AK8: variants seen among roughly 807,000 people sequenced by gnomAD.
The protein encoded by AK8 is ATP-AMP transphosphorylase 8.
Under a neutral mutation model 54.6 loss-of-function variants are expected in AK8, and 44 were observed. The observed-to-expected ratio is 0.81, with a 90% CI of 0.63 to 1.04. The LOEUF (loss-of-function observed/expected upper bound fraction) is 1.04. AK8 is among the 50% of genes least tolerant of loss of function. AK8 has a pLI of 0.00. For synonymous variants in AK8, 239 were observed against 245.6 expected (o/e 0.97, Z 0.25); for missense variants, 555 against 613.6 (o/e 0.90, Z 1.01).
At position 132,792,696 on chromosome 9, in the gene AK8, G is replaced by A. The variant is rs113322200; in HGVS notation, c.1059C>T (p.His353=). ...CCTGGTCGAGGTCCCGCGGGACGCC[G>A]TGTAGCACCCAGCCTTTCTGGATGC... ...QDCIQKGWVL[H]GVPRDLDQAH... is the part of the protein sequence containing the mutation. The change falls in exon 11 of 13, where the codon CAC becomes CAT. Residue 353 remains histidine, a synonymous_variant. Transcript: ENST00000298545. 128 of 1,556,790 alleles carry A rather than the reference G, an allele frequency of 8.2e-5. 1 individual carries two copies. The highest frequency in any genetic ancestry group is 7.6e-4 in the South Asian group (64 of 84,282).
chr9:132,827,909 TG>T, intron 7 of AK8, 103 bp downstream of exon 7: 1 of 1,164,198 alleles, frequency 8.6e-7, no homozygotes, highest in Non-Finnish European at 1.2e-6. Context: ...TGTCCCTCTG[TG>T]GGTGCCCAGA....
At chr9:132,861,232 GC>G (rs1843375816) in intron 4 of AK8, among the ~76,000 whole-genome samples, 1 of 152,228 alleles carries the variant, frequency 6.6e-6, no homozygotes, top group African/African-American at 2.4e-5. Context: ...ATTACAGTGT[GC>G]CCTTTGGGAA....
At chr9:132,727,666 CA>C (rs1461726067) in intron 11 of AK8, 132 bp from the exon 12 acceptor site, 2 of 800,700 alleles carry the variant, frequency 2.5e-6, no homozygotes, top group Non-Finnish European at 4.0e-6. Context: ...AGCCAGCAAG[CA>C]ATGTGCCTGC....
At chr9:132,744,616 T>G (rs1837551723) in intron 11 of AK8, among the ~76,000 whole-genome samples, 1 of 151,954 alleles carries the variant, frequency 6.6e-6, no homozygotes, top group Non-Finnish European at 1.5e-5. Context: ...TAAATCTGAT[T>G]AAATATTAAT....
chr9:132,843,813 G>C (rs1842632836), intron 5 of AK8, among the ~76,000 whole-genome samples: 1 of 152,132 alleles, frequency 6.6e-6, no homozygotes, highest in African/African-American at 2.4e-5. Context: ...CAGGAGTGAG[G>C]GGGGACTTTG....
intron 9 of AK8, 135 bp from the exon 10 acceptor site, chr9:132,814,862 T>C (rs1841250258): frequency 3.3e-6 from 2 of 609,840 alleles, no homozygotes; most frequent in Non-Finnish European, 5.6e-6. Flanking sequence ...GGTTTTTCTG[T>C]GTGTGGGTAT....
intron 5 of AK8, among the ~76,000 whole-genome samples, chr9:132,846,985 C>T (rs953383241): frequency 6.6e-6 from 1 of 152,196 alleles, no homozygotes; most frequent in African/African-American, 2.4e-5. Context: ...CTGGCTTCTC[C>T]CGGGCCGAGA....
At chr9:132,857,990 C>T (rs143479497) in intron 4 of AK8, among the ~76,000 whole-genome samples, 93 of 152,362 alleles carry the variant, frequency 6.1e-4, no homozygotes, top group African/African-American at 2.1e-3. Context: ...GATGCTCTCC[C>T]ACCCCAGCCC....
Position 132,732,040 on chromosome 9 carries a change from G to A in AK8, c.1122-4506C>T, listed in dbSNP as rs931423788. Among the ~76,000 whole-genome samples, 5 of 152,184 alleles carry A rather than the reference G, an allele frequency of 3.3e-5. No individual in the cohort carries two copies. In the East Asian group the frequency reaches 9.7e-4, roughly 29 times the overall value. ...TCATCTGCTCAAAACTGTAATACCCGTGTGATAGTTATTAGTGTACCTGAG... is the reference window on the plus strand; with the variant it reads ...TCATCTGCTCAAAACTGTAATACCCATGTGATAGTTATTAGTGTACCTGAG... On this transcript the variant is annotated intron_variant, in intron 11 of 12. Coordinates refer to ENST00000298545, the MANE Select transcript of AK8 (RefSeq NM_152572.3).
chr9:132,726,326 C>CT (rs1179340642), intron 12 of AK8, among the ~76,000 whole-genome samples: 2 of 113,538 alleles, frequency 1.8e-5, no homozygotes, highest in East Asian at 5.9e-4. Context: ...TTTTTCTTTT[C>CT]TTTTTTGAGA....
chr9:132,778,454 G>A (rs1839320646), intron 11 of AK8, among the ~76,000 whole-genome samples: 1 of 152,162 alleles, frequency 6.6e-6, no homozygotes, highest in African/African-American at 2.4e-5. Context: ...TGCAGAAATA[G>A]TGCTTCCTGG....
At chr9:132,866,814 G>A in intron 3 of AK8, 90 bp downstream of exon 3, 1 of 1,230,928 alleles carries the variant, frequency 8.1e-7, no homozygotes, top group South Asian at 1.2e-5. Context: ...GCTCAGTTAT[G>A]CTACAAATTC....
intron 11 of AK8, among the ~76,000 whole-genome samples, chr9:132,779,344 C>A (rs770885923): frequency 9.2e-5 from 14 of 152,208 alleles, no homozygotes. Flanking sequence ...TTCGGAGAGA[C>A]AAGGTCTCCT....
chr9:132,867,296 G>C (rs1843641722), intron 2 of AK8, among the ~76,000 whole-genome samples: 1 of 152,186 alleles, frequency 6.6e-6, no homozygotes, highest in South Asian at 2.1e-4. Flanking sequence ...TCTCCAATAA[G>C]GCTGTAATTT....
intron 11 of AK8, among the ~76,000 whole-genome samples, chr9:132,774,469 A>T (rs1381869476): frequency 6.6e-6 from 1 of 152,226 alleles, no homozygotes; most frequent in Non-Finnish European, 1.5e-5. Context: ...TGAATCTGGC[A>T]GAGGCTCAAG....
At chr9:132,850,220 A>ATTT (rs34506307) in intron 5 of AK8, among the ~76,000 whole-genome samples, 13 of 123,012 alleles carry the variant, frequency 1.1e-4, no homozygotes, top group African/African-American at 3.4e-4. Context: ...TGCCCAGCTA[A>ATTT]TTTTTTTTTT....
At chr9:132,789,060 C>T (rs937428925) in intron 11 of AK8, among the ~76,000 whole-genome samples, 1 of 152,156 alleles carries the variant, frequency 6.6e-6, no homozygotes, top group African/African-American at 2.4e-5. Flanking sequence ...CTTTGGGAGG[C>T]CGAGGTGGGT....
At position 132,846,272 on chromosome 9, in the gene AK8, G is replaced by T. The variant is rs570409955; in HGVS notation, c.402+8585C>A. Among the ~76,000 whole-genome samples the T allele has an allele frequency of 2.3e-3, 352 of 152,350 alleles. 1 individual carries two copies. The highest frequency in any genetic ancestry group is 4.4e-3 in the Admixed American group (68 of 15,306). On this transcript the variant is annotated intron_variant, in intron 5 of 12. Coordinates refer to ENST00000298545, the MANE Select transcript of AK8 (RefSeq NM_152572.3). ...TGGGCCTTCTGCAATGGATGTGTGG[G>T]GTGGATGGGGCAGAGGGGCCCACAG...
In AK8 at chr9:132,732,319, T is replaced by C. The variant is rs376414236; in HGVS notation, c.1122-4785A>G. On this transcript the variant is annotated intron_variant, in intron 11 of 12. Transcript: ENST00000298545. The stretch of plus-strand genomic sequence containing the variant: ...TTCAGGGTTTTAACATTTGGGATTA[T>C]GGCATTCAGGATTGTATCTTCTATG... Among the ~76,000 whole-genome samples, 512 of 152,258 alleles carry C rather than the reference T, an allele frequency of 3.4e-3. 5 individuals are homozygous for C. The Middle Eastern group carries it at 0.041, about 12-fold the overall frequency.
Sources: allele counts gnomAD v4.1 joint callset (sites outside exome capture counted in the v4.1 genomes callset), GRCh38; gene constraint gnomAD v4.1.1; transcripts MANE v1.5; gene names NCBI Gene and HGNC (gene_info 2026-07-23, HGNC 2026-07-21).